Variants in SEC16B observed in about 807,000 individuals in gnomAD.
SEC16B encodes the protein protein transport protein Sec16B.
SEC16B carries 115 observed loss-of-function variants against 141.8 expected under a neutral mutation model. That is an observed-to-expected ratio of 0.81 (90% CI 0.70 to 0.95). The LOEUF is 0.95. SEC16B is among the 40% of genes least tolerant of loss of function. The pLI is 0.00. For synonymous variants in SEC16B, 493 were observed against 492.5 expected (o/e 1.00, Z -0.01); for missense variants, 1,291 against 1,312.3 (o/e 0.98, Z 0.25).
chr1:177,976,367 C>T (rs1654171351), intron 1 of SEC16B, among the ~76,000 whole-genome samples: 1 of 152,168 alleles, frequency 6.6e-6, no homozygotes, highest in South Asian at 2.1e-4. Context: ...CTTCTGACCC[C>T]ATGTCAAGCT....
chr1:177,930,427 C>G (rs626976), intron 25 of SEC16B, 118 bp downstream of exon 25: 1 of 681,784 alleles, frequency 1.5e-6, no homozygotes, highest in Non-Finnish European at 2.5e-6. Flanking sequence ...CTTGGAGAGG[C>G]TAAATAATTG....
Position 177,932,810 on chromosome 1 carries a change from C to CTTT in SEC16B, c.2824-7_2824-5dup, listed in dbSNP as rs1464363235. The CTTT allele has an allele frequency of 1.2e-6, 2 of 1,607,142 alleles. No homozygotes were observed. The highest frequency in any genetic ancestry group is 1.7e-6 in the Non-Finnish European group (2 of 1,176,990). On this transcript the variant is annotated splice_polypyrimidine_tract_variant and splice_region_variant and intron_variant, in intron 22 of 25. Transcript: ENST00000308284. ...GAGAAGATGCTCTGGGGGTCTCCTG[C>CTTT]TTTGTGGAGAAAGAAAGGCAGCATT... is the stretch of plus-strand genomic sequence containing the variant.
intron 10 of SEC16B, among the ~76,000 whole-genome samples, chr1:177,956,623 A>AT (rs1652623713): frequency 6.6e-6 from 1 of 152,158 alleles, no homozygotes; most frequent in Non-Finnish European, 1.5e-5. Context: ...ATTTTTATGA[A>AT]TTTTGTAAAG....
intron 15 of SEC16B, among the ~76,000 whole-genome samples, chr1:177,942,698 G>C (rs1454902923): frequency 6.6e-6 from 1 of 152,060 alleles, no homozygotes. Flanking sequence ...TTAGACCCTA[G>C]TGCAAAGGGC....
chr1:177,941,574 C>T (rs1651278392), intron 16 of SEC16B, among the ~76,000 whole-genome samples: 1 of 151,908 alleles, frequency 6.6e-6, no homozygotes, highest in Admixed American at 6.5e-5. Context: ...TTTTCTAAGC[C>T]CAGCTTTTAT....
At position 177,930,591 on chromosome 1, in the gene SEC16B, G is replaced by A. The variant is rs1442261457; in HGVS notation, c.3065C>T (p.Ala1022Val). Residue 1022 changes from alanine to valine, a missense_variant, in exon 25 of 26, where the codon GCC becomes GTC. Ala to Val is a moderately conservative substitution (Grantham distance 64). Around this residue, in one of 3 missense-constraint regions of SEC16B, gnomAD observed 605 missense variants for 614.1 expected, o/e 0.99. Coordinates refer to ENST00000308284, the MANE Select transcript of SEC16B (RefSeq NM_033127.4). ...GTAAAGAGGAACAGCCCCTTTTAAG[G>A]CAGGTGGAGGAAGAAGAACACCAGG... ...SNPGVLLPPP[A>V]LKGAVPLYNP... The A allele has an allele frequency of 1.2e-6, 2 of 1,613,676 alleles. No individual in the cohort carries two copies. The highest frequency in any genetic ancestry group is 1.7e-6 in the Non-Finnish European group (2 of 1,179,836).
chr1:177,975,460 T>A (rs995186850), intron 1 of SEC16B, among the ~76,000 whole-genome samples: 1 of 152,172 alleles, frequency 6.6e-6, no homozygotes, highest in Non-Finnish European at 1.5e-5. Context: ...GCAGTGAGTT[T>A]AGGGGGCTGA....
In SEC16B at chr1:177,944,808, A is replaced by G. The variant is rs955210991; in HGVS notation, c.1776-142T>C. 8.2e-6 allele frequency: 5 copies of G among 610,796 alleles called. No homozygotes were observed. The African/African-American group carries it at 9.4e-5, about 11-fold the overall frequency. The allele number at this position is 610,796 out of a possible 1,614,324, so 37.8% of individuals were successfully genotyped here. On this transcript the variant is annotated intron_variant, in intron 14 of 25. Coordinates refer to ENST00000308284, the MANE Select transcript of SEC16B (RefSeq NM_033127.4). ...TGATGCCTGCGGCGGCTTCAAGAGA[A>G]GAAGGAGACTCTGGGCTCCCAGAGT...
chr1:177,959,213 A>G (rs931041628), intron 8 of SEC16B: 1 of 515,216 alleles, frequency 1.9e-6, no homozygotes, highest in Non-Finnish European at 3.5e-6. Context: ...ACAGAGGCTC[A>G]GAGACCTGAA....
chr1:177,933,996 A>G (rs498440), intron 20 of SEC16B, among the ~76,000 whole-genome samples: 1 of 146,808 alleles, frequency 6.8e-6, no homozygotes, highest in South Asian at 2.1e-4. Flanking sequence ...AGCTCCCCCC[A>G]AAAAAAAAAA....
At position 177,929,162 on chromosome 1, in the gene SEC16B, G is replaced by A. The variant is rs1650235977; in HGVS notation, c.*696C>T. The A allele has an allele frequency of 1.3e-5, 2 of 152,872 alleles. No homozygotes were observed. Among genetic ancestry groups the A allele is most frequent in the African/African-American group, 4.8e-5 (2 of 41,386 alleles). 9.5% of individuals were successfully genotyped at this position (152,872 alleles called of 1,614,324 possible). On this transcript the variant is annotated 3_prime_UTR_variant, in exon 26 of 26. Coordinates refer to ENST00000308284, the MANE Select transcript of SEC16B (RefSeq NM_033127.4). ...ATGTGCCATCCATCTGCATCATTAG[G>A]TTCAGTAGTTACCATGACAATATGA...
At chr1:177,961,561 T>C (rs1319759427) in intron 6 of SEC16B, 29 bp downstream of exon 6, 9 of 1,582,996 alleles carry the variant, frequency 5.7e-6, no homozygotes, top group Non-Finnish European at 7.7e-6. Context: ...TCAGATTCAA[T>C]CAACTCTTCT....
rs777023508 is a variant in SEC16B at position 177,961,622 on chromosome 1, G to A, written c.755C>T (p.Pro252Leu). ...AACTGGACTCCAAGCTGCTGAAGCT[G>A]GGGGATCATCCCGCTCCGGGGCATC... is the stretch of plus-strand genomic sequence containing the variant. ...IRDAPERDDPPASAAWSPVQA... is the reference protein window; with the variant it reads ...IRDAPERDDPLASAAWSPVQA... Residue 252 changes from proline (P) to leucine (L), a missense_variant, in exon 6 of 26, where the codon CCA becomes CTA. Pro to Leu is a moderately conservative substitution (Grantham distance 98, BLOSUM62 -3). Around this residue, in one of 3 missense-constraint regions of SEC16B, gnomAD observed 681 missense variants for 675.5 expected, o/e 1.01. Transcript: ENST00000308284. The A allele has an allele frequency of 6.6e-5, 107 of 1,613,582 alleles. No individual in the cohort carries two copies. The highest frequency in any genetic ancestry group is 8.1e-5 in the Non-Finnish European group (95 of 1,179,814).
At position 177,929,793 on chromosome 1, in the gene SEC16B, G is replaced by T; in HGVS notation, c.*65C>A. Reference sequence around the variant, plus strand: ...CCAATATGGTAGAGAGGGGCTGGGAGATTGAGAAAAAGAGAGCAAGAAAGT... The same window carrying T: ...CCAATATGGTAGAGAGGGGCTGGGATATTGAGAAAAAGAGAGCAAGAAAGT... On this transcript the variant is annotated 3_prime_UTR_variant, in exon 26 of 26. Coordinates refer to ENST00000308284, the MANE Select transcript of SEC16B (RefSeq NM_033127.4). The T allele has an allele frequency of 6.4e-7, 1 of 1,558,786 alleles. No homozygotes were observed. Among genetic ancestry groups the T allele is most frequent in the East Asian group, 2.3e-5 (1 of 44,008 alleles).
chr1:177,962,864 T>C (rs145431637), intron 5 of SEC16B, among the ~76,000 whole-genome samples: 1 of 152,146 alleles, frequency 6.6e-6, no homozygotes, highest in African/African-American at 2.4e-5. Context: ...CCCAGCACTT[T>C]GGGAGGCCGA....
At position 177,967,888 on chromosome 1, in the gene SEC16B, G is replaced by A; in HGVS notation, c.94C>T (p.His32Tyr). ...DPDRGFRRDG[H>Y]HRPVPHSWHN... The stretch of plus-strand genomic sequence containing the variant: ...CAAGAGTGAGGGACAGGCCGATGAT[G>A]TCCATCTCTCCGAAACCCTCGGTCT... The change falls in exon 2 of 26, where the codon CAT becomes TAT. Residue 32 changes from histidine (H) to tyrosine (Y), a missense_variant. His to Tyr is a moderately conservative substitution (Grantham distance 83). Around this residue, in one of 3 missense-constraint regions of SEC16B, gnomAD observed 681 missense variants for 675.5 expected, o/e 1.01. Transcript: ENST00000308284. 1 of 1,613,990 alleles carries A rather than the reference G, an allele frequency of 6.2e-7. No individual in the cohort carries two copies. The highest frequency in any genetic ancestry group is 8.5e-7 in the Non-Finnish European group (1 of 1,179,884).
rs116071515 is a variant in SEC16B, at chr1:177,959,939, G to T, written c.998+403C>A. 5.8e-3 allele frequency: 1,282 copies of T among 222,402 alleles called. 4 individuals are homozygous for T. The highest frequency in any genetic ancestry group is 8.9e-3 in the Non-Finnish European group (999 of 111,746). 13.8% of individuals were successfully genotyped at this position (222,402 alleles called of 1,614,324 possible). ...ACTGTTCTGTAACTTGAACACTGCC[G>T]ATCTTATTTACCTCTCCAGGAAAAA... On this transcript the variant is annotated intron_variant, in intron 8 of 25. Coordinates refer to ENST00000308284, the MANE Select transcript of SEC16B (RefSeq NM_033127.4).
intron 5 of SEC16B, among the ~76,000 whole-genome samples, chr1:177,961,960 A>G (rs1227238545): frequency 6.6e-6 from 1 of 152,202 alleles, no homozygotes; most frequent in Non-Finnish European, 1.5e-5. Flanking sequence ...GCTTTGCCTT[A>G]TACTCAGCTG....
At chr1:177,968,065 A>G in intron 1 of SEC16B, 26 bp from the exon 2 acceptor site, 1 of 1,361,406 alleles carries the variant, frequency 7.3e-7, no homozygotes, top group Admixed American at 2.7e-5. Context: ...AAAGGAAAAA[A>G]TCATCACTTG....
Sources: allele counts gnomAD v4.1 joint callset (sites outside exome capture counted in the v4.1 genomes callset), GRCh38; gene constraint gnomAD v4.1.1; regional missense constraint gnomAD v4.1.1; transcripts MANE v1.5; gene names NCBI Gene and HGNC (gene_info 2026-07-23, HGNC 2026-07-21).